THSD7B: variants seen among roughly 807,000 people sequenced by gnomAD.
THSD7B encodes thrombospondin type 1 domain containing 7B, also known as thrombospondin type-1 domain-containing protein 7B.
A neutral mutation model predicts 213.6 loss-of-function variants in THSD7B; 138 were observed. The ratio of observed to expected loss-of-function variants is 0.65; its 90% CI spans 0.56 to 0.74. The LOEUF is 0.74. THSD7B is among the 30% of genes least tolerant of loss of function. The pLI is 0.00. For missense variants in THSD7B, 1,931 were observed against 1,991.5 expected (o/e 0.97, Z 0.58); for synonymous variants, 742 against 687.0 (o/e 1.08, Z -1.25).
intron 12 of THSD7B, among the ~76,000 whole-genome samples, chr2:137,308,901 G>C (rs1188920528): frequency 2.0e-5 from 3 of 151,960 alleles, no homozygotes; most frequent in East Asian, 1.9e-4. Flanking sequence ...TCATATGAAT[G>C]CTTCATTTTG....
intron 2 of THSD7B, among the ~76,000 whole-genome samples, chr2:137,052,418 A>G (rs960050589): frequency 1.1e-4 from 17 of 152,072 alleles, no homozygotes; most frequent in African/African-American, 4.1e-4. Context: ...ATTATTCTAA[A>G]TTTTGTTTTA....
At chr2:137,673,188 C>T (rs113967614) in intron 27 of THSD7B, among the ~76,000 whole-genome samples, 1 of 152,344 alleles carries the variant, frequency 6.6e-6, no homozygotes, top group Non-Finnish European at 1.5e-5. Flanking sequence ...GCTTGTCAGT[C>T]CACAATGAGC....
intron 19 of THSD7B, among the ~76,000 whole-genome samples, chr2:137,619,325 A>G (rs1682469739): frequency 1.3e-5 from 2 of 152,242 alleles, no homozygotes; most frequent in African/African-American, 2.4e-5. Flanking sequence ...GGTGGAATAC[A>G]TCAGTGGGAA....
In THSD7B at chr2:137,612,133, TA is replaced by T. The variant is rs1421160173; in HGVS notation, c.3424-4037del. On this transcript the variant is annotated intron_variant, in intron 17 of 27. Transcript: ENST00000409968. ...TAACATGAAATGCTAAATTGAAACA[TA>T]AAAATTTGAAACTCTTCAAGAGTCA... Among the ~76,000 whole-genome samples the T allele has an allele frequency of 2.6e-5, 4 of 152,322 alleles. No individual in the cohort carries two copies. In the East Asian group the frequency reaches 7.7e-4, roughly 29 times the overall value.
intron 12 of THSD7B, among the ~76,000 whole-genome samples, chr2:137,352,224 G>A (rs1385947720): frequency 6.6e-6 from 1 of 151,874 alleles, no homozygotes; most frequent in Non-Finnish European, 1.5e-5. Context: ...AATTATAAAT[G>A]AAGGATGAAG....
intron 12 of THSD7B, among the ~76,000 whole-genome samples, chr2:137,303,582 A>C (rs985177803): frequency 5.3e-5 from 8 of 149,666 alleles, no homozygotes; most frequent in African/African-American, 2.0e-4. Flanking sequence ...TTATAACTGT[A>C]ATTGCATGAT....
chr2:137,578,307 G>A (rs1433234080), intron 17 of THSD7B, among the ~76,000 whole-genome samples: 1 of 152,178 alleles, frequency 6.6e-6, no homozygotes, highest in Non-Finnish European at 1.5e-5. Context: ...GGACCTCCTG[G>A]AGTTCTTAGC....
At position 137,379,764 on chromosome 2, in the gene THSD7B, C is replaced by G. The variant is rs571840889; in HGVS notation, c.2501-25849C>G. Among the ~76,000 whole-genome samples, 4 of 152,296 alleles carry G rather than the reference C, an allele frequency of 2.6e-5. No homozygotes were observed. The East Asian group carries it at 5.8e-4, about 22-fold the overall frequency. On this transcript the variant is annotated intron_variant, in intron 12 of 27. Coordinates refer to ENST00000409968, the MANE Select transcript of THSD7B (RefSeq NM_001316349.2). The stretch of plus-strand genomic sequence containing the variant: ...GGGGGAAGAGCTGGAGTTTGATCCT[C>G]TAATGAGGAATTTGGCCAGGGTGAC...
intron 15 of THSD7B, among the ~76,000 whole-genome samples, chr2:137,499,693 C>T (rs1444673017): frequency 2.0e-5 from 3 of 152,210 alleles, no homozygotes; most frequent in Non-Finnish European, 4.4e-5. Flanking sequence ...AATACTGAAG[C>T]TCCTTCAATT....
intron 15 of THSD7B, among the ~76,000 whole-genome samples, chr2:137,505,247 A>T (rs1294780104): frequency 6.6e-6 from 1 of 152,194 alleles, no homozygotes; most frequent in Non-Finnish European, 1.5e-5. Flanking sequence ...GACTTTAATA[A>T]GAGAAGATGA....
intron 12 of THSD7B, among the ~76,000 whole-genome samples, chr2:137,393,731 A>G (rs1338118054): frequency 2.8e-5 from 4 of 140,862 alleles, no homozygotes; most frequent in Admixed American, 7.0e-5. Context: ...CTGAGGAATC[A>G]CCACACTGAC....
At chr2:137,180,514 A>G (rs1204811980) in intron 7 of THSD7B, among the ~76,000 whole-genome samples, 13 of 152,130 alleles carry the variant, frequency 8.5e-5, no homozygotes, top group Admixed American at 8.5e-4. Flanking sequence ...TCTTGGCATG[A>G]TACCAGAGTA....
In THSD7B at chr2:136,953,957, G is replaced by A. The variant is rs953012692; in HGVS notation, c.139+71640G>A. 1.1e-4 allele frequency among the ~76,000 whole-genome samples: 16 copies of A among 152,296 alleles called. 1 individual carries two copies. The East Asian group carries it at 2.1e-3, about 20-fold the overall frequency. ...CAGAAATACAGCCTAACCCAGTCAT[G>A]TGAATAGTTATTTGCCCCAAGATTT... On this transcript the variant is annotated intron_variant, in intron 2 of 27. Transcript: ENST00000409968.
intron 15 of THSD7B, among the ~76,000 whole-genome samples, chr2:137,486,680 C>A (rs1265329161): frequency 6.6e-6 from 1 of 152,000 alleles, no homozygotes; most frequent in Non-Finnish European, 1.5e-5. Flanking sequence ...CCCAAATCAA[C>A]AGAATATACA....
intron 12 of THSD7B, among the ~76,000 whole-genome samples, chr2:137,361,490 G>T (rs1419226073): frequency 6.6e-6 from 1 of 152,118 alleles, no homozygotes; most frequent in African/African-American, 2.4e-5. Flanking sequence ...CTTGAAAAAA[G>T]ATTAGACGAA....
At chr2:137,050,165 G>A (rs1281355496) in intron 2 of THSD7B, among the ~76,000 whole-genome samples, 2 of 152,212 alleles carry the variant, frequency 1.3e-5, no homozygotes, top group East Asian at 3.8e-4. Flanking sequence ...TGATCCTAAA[G>A]ACCTACTTGT....
chr2:137,398,842 C>G (rs1462416332), intron 12 of THSD7B, among the ~76,000 whole-genome samples: 1 of 152,226 alleles, frequency 6.6e-6, no homozygotes, highest in Non-Finnish European at 1.5e-5. Flanking sequence ...ACCCTCCAAG[C>G]CAGGTGCGGG....
chr2:137,589,671 T>A (rs559832006), intron 17 of THSD7B, among the ~76,000 whole-genome samples: 2 of 152,320 alleles, frequency 1.3e-5, no homozygotes, highest in African/African-American at 4.8e-5. Context: ...GGTTTCTTAG[T>A]ATTTTAAGGC....
At chr2:136,801,704 G>C (rs572654499) in intron 1 of THSD7B, among the ~76,000 whole-genome samples, 5 of 152,058 alleles carry the variant, frequency 3.3e-5, no homozygotes, top group Non-Finnish European at 7.4e-5. Flanking sequence ...AAAGCGAGGA[G>C]GATGGTTTGA....
Sources: gnomAD v4.1 joint callset for allele counts (sites outside exome capture counted in the v4.1 genomes callset) on GRCh38, gnomAD v4.1.1 for gene constraint, MANE v1.5 for transcripts, NCBI Gene and HGNC (gene_info 2026-07-23, HGNC 2026-07-21) for gene names.